The following SPECC1 variants were observed in gnomAD, a reference collection of about 807,000 sequenced individuals.
The protein encoded by SPECC1 is cytospin-B.
SPECC1 carries 62 observed loss-of-function variants against 104.1 expected under a neutral mutation model. That is an observed-to-expected ratio of 0.60 (90% CI 0.49 to 0.74). The LOEUF is 0.74. Ranked by LOEUF, SPECC1 falls within the 30% of genes least tolerant of loss-of-function variation. SPECC1 has a pLI of 0.00. For missense variants in SPECC1, 1,306 were observed against 1,310.5 expected, an observed-to-expected ratio of 1.00 and a Z score of 0.05; for synonymous variants, 513 against 501.6, an observed-to-expected ratio of 1.02 and a Z score of -0.30.
At chr17:20,055,296 A>G (rs1254104648) in intron 1 of SPECC1, among the ~76,000 whole-genome samples, 1 of 151,652 alleles carries the variant, frequency 6.6e-6, no homozygotes, top group Non-Finnish European at 1.5e-5. Context: ...ATAGTACTCC[A>G]TGGTATGTAT....
intron 1 of SPECC1, among the ~76,000 whole-genome samples, chr17:20,021,052 G>A (rs531746918): frequency 6.6e-6 from 1 of 152,152 alleles, no homozygotes; most frequent in South Asian, 2.1e-4. Context: ...AATAATGTAA[G>A]CTAGAGATAA....
chr17:20,290,873 A>T (rs1353313808), intron 12 of SPECC1, among the ~76,000 whole-genome samples: 1 of 152,210 alleles, frequency 6.6e-6, no homozygotes, highest in Non-Finnish European at 1.5e-5. Context: ...AGATGGTGGC[A>T]TTGTTGAGCT....
At chr17:20,289,853 G>A (rs1012778260) in intron 12 of SPECC1, among the ~76,000 whole-genome samples, 2 of 152,152 alleles carry the variant, frequency 1.3e-5, no homozygotes, top group African/African-American at 4.8e-5. Context: ...CGAGTGTTAT[G>A]TCACAAACCA....
intron 3 of SPECC1, among the ~76,000 whole-genome samples, chr17:20,166,997 G>C (rs938060459): frequency 2.0e-5 from 3 of 151,912 alleles, no homozygotes; most frequent in African/African-American, 7.3e-5. Context: ...TGTAGTCCCA[G>C]CTACTCAGGA....
Position 20,264,110 on chromosome 17 carries a change from C to CA in SPECC1, c.2940+3821dup, listed in dbSNP as rs199597485. ...TCTTGTTCTCTCAGAATTAGGAAGC[C>CA]AAAAATAACTGGTGAAAACTTTTTG... On this transcript the variant is annotated intron_variant, in intron 12 of 14. Transcript: ENST00000395527. 9.7e-4 allele frequency among the ~76,000 whole-genome samples: 147 copies of CA among 152,226 alleles called. 1 individual carries two copies. The highest frequency in any genetic ancestry group is 2.6e-3 in the African/African-American group (107 of 41,530).
intron 1 of SPECC1, among the ~76,000 whole-genome samples, chr17:20,045,861 C>G (rs1056450298): frequency 1.3e-5 from 2 of 152,046 alleles, no homozygotes; most frequent in African/African-American, 4.8e-5. Context: ...TGAGGTGATG[C>G]AAAATAACTC....
At chr17:20,197,262 C>T (rs2036098501) in intron 3 of SPECC1, among the ~76,000 whole-genome samples, 1 of 152,200 alleles carries the variant, frequency 6.6e-6, no homozygotes, top group South Asian at 2.1e-4. Context: ...CCATAGCACT[C>T]TTTAACAAAG....
chr17:20,040,153 A>G (rs1020971878), intron 1 of SPECC1, among the ~76,000 whole-genome samples: 19 of 131,666 alleles, frequency 1.4e-4, no homozygotes, highest in Admixed American at 1.0e-3. Context: ...CATTATATGT[A>G]TATATATATA....
At chr17:20,034,980 G>T (rs761872237) in intron 1 of SPECC1, among the ~76,000 whole-genome samples, 15 of 152,198 alleles carry the variant, frequency 9.9e-5, no homozygotes, top group Non-Finnish European at 1.9e-4. Context: ...TCTGTAGGGT[G>T]TGAGGTTCAG....
intron 4 of SPECC1, among the ~76,000 whole-genome samples, chr17:20,224,244 G>A (rs1448910211): frequency 5.3e-5 from 8 of 152,216 alleles, no homozygotes; most frequent in African/African-American, 1.7e-4. Flanking sequence ...TGGAGCAGGG[G>A]TGATGCACTT....
intron 7 of SPECC1, chr17:20,238,770 A>G (rs2039057567): frequency 9.6e-7 from 1 of 1,044,082 alleles, no homozygotes; most frequent in African/African-American, 1.7e-5. Flanking sequence ...GAAAACTGCA[A>G]CTTCAACTTA....
intron 13 of SPECC1, among the ~76,000 whole-genome samples, chr17:20,299,719 CT>C (rs1419229837): frequency 6.6e-6 from 1 of 152,034 alleles, no homozygotes; most frequent in Non-Finnish European, 1.5e-5. Flanking sequence ...CTGTGGGGTG[CT>C]TTGTTTGTGA....
chr17:20,167,673 C>T (rs1001159639), intron 3 of SPECC1, among the ~76,000 whole-genome samples: 3 of 152,094 alleles, frequency 2.0e-5, no homozygotes, highest in Non-Finnish European at 2.9e-5. Context: ...AGTGAAACTA[C>T]GTCTCAAAAA....
chr17:20,099,518 A>C (rs1202889073), intron 2 of SPECC1, among the ~76,000 whole-genome samples: 3 of 57,776 alleles, frequency 5.2e-5, no homozygotes, highest in South Asian at 4.5e-4. Context: ...ACCCAAAAAA[A>C]AAAAAAAAAA....
rs565101401 is a variant in SPECC1 at position 20,266,216 on chromosome 17, T to C, written c.2940+5922T>C. Reference sequence around the variant, plus strand: ...TTTTCCAATCCATGAGCATGGAATGTTTCTCCATTTATTTGTGTCATAGCT... The same window carrying C: ...TTTTCCAATCCATGAGCATGGAATGCTTCTCCATTTATTTGTGTCATAGCT... On this transcript the variant is annotated intron_variant, in intron 12 of 14. Transcript: ENST00000395527. Among the ~76,000 whole-genome samples the C allele has an allele frequency of 2.0e-5, 3 of 152,342 alleles. No homozygotes were observed. The East Asian group carries it at 5.8e-4, about 29-fold the overall frequency.
In SPECC1 at chr17:20,204,513, A is replaced by G. The variant is rs549583465; in HGVS notation, c.464A>G (p.Lys155Arg). 10 of 1,614,188 alleles carry G rather than the reference A, an allele frequency of 6.2e-6. No individual in the cohort carries two copies. Among genetic ancestry groups the G allele is most frequent in the Non-Finnish European group, 8.5e-6 (10 of 1,180,050 alleles). ...KHLRTPSTKP[K>R]QENEGGEKAA... ...CTGAGGACCCCTTCCACAAAGCCCA[A>G]GCAAGAGAATGAAGGTGGAGAAAAG... is the stretch of plus-strand genomic sequence containing the variant. Residue 155 changes from lysine (K) to arginine (R), a missense_variant, in exon 4 of 15, where the codon AAG becomes AGG. Physicochemically the swap from Lys to Arg is conservative, Grantham distance 26. This residue lies in a region of SPECC1 where 1,177 missense variants were observed against 1,139.9 expected (regional missense o/e 1.03). Transcript: ENST00000395527.
At chr17:20,264,768 C>T (rs1254695430) in intron 12 of SPECC1, among the ~76,000 whole-genome samples, 1 of 151,938 alleles carries the variant, frequency 6.6e-6, no homozygotes, top group African/African-American at 2.4e-5. Flanking sequence ...CTGTAATATA[C>T]ATAAAGGGCT....
intron 14 of SPECC1, among the ~76,000 whole-genome samples, chr17:20,308,016 G>A (rs1404460143): frequency 1.3e-5 from 2 of 152,140 alleles, no homozygotes; most frequent in Non-Finnish European, 2.9e-5. Context: ...AGATGATGAT[G>A]ATGAATGGTC....
chr17:20,079,490 G>A (rs1223015444), intron 1 of SPECC1, among the ~76,000 whole-genome samples: 2 of 152,088 alleles, frequency 1.3e-5, no homozygotes, highest in Non-Finnish European at 2.9e-5. Flanking sequence ...AGGTATAGAG[G>A]CTTACTACAG....
Sources: allele counts gnomAD v4.1 joint callset (sites outside exome capture counted in the v4.1 genomes callset), GRCh38; gene constraint gnomAD v4.1.1; regional missense constraint gnomAD v4.1.1; transcripts MANE v1.5; gene names NCBI Gene and HGNC (gene_info 2026-07-23, HGNC 2026-07-21).